HCRTR2: variants seen among roughly 807,000 people sequenced by gnomAD.
The protein encoded by HCRTR2 is hypocretin receptor 2.
In HCRTR2, 22 loss-of-function variants were observed where a neutral mutation model predicts 49.0. The observed-to-expected ratio is 0.45, with a 90% CI of 0.32 to 0.64. The LOEUF (loss-of-function observed/expected upper bound fraction) is 0.64, where lower values mean the gene tolerates loss of function less well. HCRTR2 is among the 30% of genes least tolerant of loss of function. The pLI, the probability that HCRTR2 is intolerant of heterozygous loss-of-function variation, is 0.04. For synonymous variants in HCRTR2, 236 were observed against 205.3 expected (o/e 1.15, Z -1.28); for missense variants, 491 against 559.4 (o/e 0.88, Z 1.23).
intron 1 of HCRTR2, among the ~76,000 whole-genome samples, chr6:55,130,372 T>G (rs994229069): frequency 6.7e-6 from 1 of 148,616 alleles, no homozygotes; most frequent in East Asian, 1.9e-4. Context: ...TGGTAACCTT[T>G]TTTTTGTTGT....
At position 55,145,961 on chromosome 6, in the gene HCRTR2, C is replaced by CT. The variant is rs917883755; in HGVS notation, c.-377-28240dup. Among the ~76,000 whole-genome samples, 66 of 149,110 alleles carry CT rather than the reference C, an allele frequency of 4.4e-4. No homozygotes were observed. In the South Asian group the frequency reaches 5.3e-3, roughly 12 times the overall value. On this transcript the variant is annotated intron_variant, in intron 1 of 7. Coordinates refer to the HCRTR2 transcript ENST00000615358. ...ATGACCATCAGCAGGAAAAATATTC[C>CT]TTTTTTTTTTCTCTGTGATAGCACT...
At chr6:55,254,908 AC>A (rs1766621087) in intron 2 of HCRTR2, among the ~76,000 whole-genome samples, 1 of 152,060 alleles carries the variant, frequency 6.6e-6, no homozygotes, top group Non-Finnish European at 1.5e-5. Flanking sequence ...TTTTCATCAT[AC>A]CTTTTCATGT....
At chr6:55,165,707 T>C (rs1764866201) in intron 1 of HCRTR2, among the ~76,000 whole-genome samples, 1 of 138,020 alleles carries the variant, frequency 7.2e-6, no homozygotes, top group African/African-American at 2.7e-5. Context: ...GAGAACATGT[T>C]TGGAAATCAT....
intron 2 of HCRTR2, among the ~76,000 whole-genome samples, chr6:55,252,781 T>C (rs920684532): frequency 1.3e-5 from 2 of 152,112 alleles, no homozygotes; most frequent in East Asian, 3.8e-4. Flanking sequence ...TTGTAATTTC[T>C]ATGAATATTC....
chr6:55,272,875 G>T (rs1442851704), intron 4 of HCRTR2, among the ~76,000 whole-genome samples: 3 of 108,740 alleles, frequency 2.8e-5, no homozygotes, highest in East Asian at 2.6e-4. Flanking sequence ...TTGCAAAGAA[G>T]AAGTCATAGA....
rs564321695 is a variant in HCRTR2 at position 55,109,134 on chromosome 6, A to G, written c.-378+2589A>G. Among the ~76,000 whole-genome samples, 24 of 152,290 alleles carry G rather than the reference A, an allele frequency of 1.6e-4. 1 individual carries two copies. The South Asian group carries it at 4.8e-3, about 30-fold the overall frequency. On this transcript the variant is annotated intron_variant, in intron 1 of 7. Coordinates refer to the HCRTR2 transcript ENST00000615358. Reference sequence around the variant, plus strand: ...TGGTAGCTCCACTGGGTGGCTAGACACAGAAATAACAATCACTGCAGTCCA... The same window carrying G: ...TGGTAGCTCCACTGGGTGGCTAGACGCAGAAATAACAATCACTGCAGTCCA...
intron 1 of HCRTR2, among the ~76,000 whole-genome samples, chr6:55,232,620 T>C (rs867376275): frequency 6.6e-6 from 1 of 152,234 alleles, no homozygotes; most frequent in Non-Finnish European, 1.5e-5. Flanking sequence ...GATAGAAATC[T>C]TGATGTTGGA....
intron 1 of HCRTR2, among the ~76,000 whole-genome samples, chr6:55,213,048 G>A (rs963620660): frequency 2.6e-5 from 4 of 151,726 alleles, no homozygotes; most frequent in Non-Finnish European, 5.9e-5. Context: ...TCTCAAGGGC[G>A]AGAAGAAAGT....
At chr6:55,188,959 T>C (rs1388990866) in intron 1 of HCRTR2, among the ~76,000 whole-genome samples, 1 of 152,178 alleles carries the variant, frequency 6.6e-6, no homozygotes, top group Non-Finnish European at 1.5e-5. Context: ...GTACTAAGAT[T>C]AAATGCATGA....
intron 1 of HCRTR2, among the ~76,000 whole-genome samples, chr6:55,177,819 C>T (rs55885196): frequency 0.26 from 39,998 of 152,010 alleles, 6,360 homozygotes; most frequent in Middle Eastern, 0.45. Flanking sequence ...TCATATACTC[C>T]TCCCAAAGAT....
chr6:55,250,647 G>C (rs1251378707), intron 2 of HCRTR2, among the ~76,000 whole-genome samples: 3 of 152,140 alleles, frequency 2.0e-5, no homozygotes, highest in African/African-American at 7.2e-5. Flanking sequence ...GTGAGTATTT[G>C]CATTAGAGGA....
intron 1 of HCRTR2, among the ~76,000 whole-genome samples, chr6:55,165,366 T>G (rs1001256937): frequency 6.6e-6 from 1 of 152,068 alleles, no homozygotes; most frequent in African/African-American, 2.4e-5. Context: ...ATAACTGAAC[T>G]CTCATTCAAT....
chr6:55,281,360 C>T (rs958290095), intron 6 of HCRTR2, among the ~76,000 whole-genome samples: 1 of 152,088 alleles, frequency 6.6e-6, no homozygotes, highest in Middle Eastern at 3.4e-3. Context: ...TCGCACTAAG[C>T]AGGTAAAGGC....
At chr6:55,261,405 TA>T (rs1433241985) in intron 3 of HCRTR2, among the ~76,000 whole-genome samples, 1 of 152,100 alleles carries the variant, frequency 6.6e-6, no homozygotes, top group Non-Finnish European at 1.5e-5. Context: ...CTTTTTTTTT[TA>T]TTTTTTATTT....
chr6:55,144,804 A>C (rs1432016136), intron 1 of HCRTR2, among the ~76,000 whole-genome samples: 1 of 152,022 alleles, frequency 6.6e-6, no homozygotes, highest in Non-Finnish European at 1.5e-5. Flanking sequence ...ACCTGTGTGC[A>C]TTAGTGGCTT....
intron 1 of HCRTR2, among the ~76,000 whole-genome samples, chr6:55,150,555 T>G (rs1021142818): frequency 6.6e-6 from 1 of 152,026 alleles, no homozygotes; most frequent in Non-Finnish European, 1.5e-5. Context: ...TGAGTTTGAC[T>G]TTTTCATATT....
intron 1 of HCRTR2, among the ~76,000 whole-genome samples, chr6:55,188,145 C>T (rs530239233): frequency 1.3e-5 from 2 of 152,240 alleles, no homozygotes; most frequent in Admixed American, 6.5e-5. Context: ...TGCTAGTCTG[C>T]GTAGCAAATT....
intron 6 of HCRTR2, among the ~76,000 whole-genome samples, chr6:55,281,014 A>G (rs1767180362): frequency 6.6e-6 from 1 of 152,304 alleles, no homozygotes; most frequent in African/African-American, 2.4e-5. Flanking sequence ...TGGAATCAAT[A>G]TAATTATAAA....
chr6:55,135,063 G>T (rs1172711744), intron 1 of HCRTR2, among the ~76,000 whole-genome samples: 1 of 151,920 alleles, frequency 6.6e-6, no homozygotes, highest in African/African-American at 2.4e-5. Flanking sequence ...CAAAGAATGT[G>T]GTGGAAAGCC....
Sources: gnomAD v4.1 joint callset for allele counts (sites outside exome capture counted in the v4.1 genomes callset) on GRCh38, gnomAD v4.1.1 for gene constraint, MANE v1.5 for transcripts, NCBI Gene and HGNC (gene_info 2026-07-23, HGNC 2026-07-21) for gene names.